Variants in LRRC37A observed in about 807,000 individuals in gnomAD.
LRRC37A encodes leucine-rich repeat-containing protein 37A.
In LRRC37A, 3 loss-of-function variants were observed where a neutral mutation model predicts 35.4. The observed-to-expected ratio is 0.08, with a 90% CI of 0.04 to 0.22. LRRC37A has a LOEUF of 0.22. Among genes scored for constraint, LRRC37A ranks in the 10% least tolerant of loss-of-function variants. LRRC37A has a pLI of 1.00. For synonymous variants in LRRC37A, 23 were observed against 215.0 expected (o/e 0.11, Z 7.81); for missense variants, 67 against 565.3 (o/e 0.12, Z 8.94).
the LRRC37A span, among the ~76,000 whole-genome samples, chr17:46,271,250 C>T: frequency 0.12 from 18,467 of 150,308 alleles, no homozygotes; most frequent in Non-Finnish European, 0.18. Context: ...ACCGCAACCT[C>T]TCCCTCCTGG....
chr17:46,257,542 A>G, the LRRC37A span, among the ~76,000 whole-genome samples: 1,596 of 138,676 alleles, frequency 0.012, no homozygotes, highest in Middle Eastern at 0.023. Context: ...GGCCAGGCAT[A>G]GTGGCTCATG....
intron 7 of LRRC37A, among the ~76,000 whole-genome samples, chr17:46,327,068 C>A (rs1370706021): frequency 1.2e-5 from 1 of 86,264 alleles, no homozygotes; most frequent in Non-Finnish European, 3.4e-5. Context: ...TTTCTTTGAT[C>A]TTCCATGACA....
the LRRC37A span, among the ~76,000 whole-genome samples, chr17:46,250,823 G>GTCTTCT: frequency 4.6e-5 from 7 of 152,182 alleles, no homozygotes; most frequent in African/African-American, 7.2e-5. Flanking sequence ...GAGCCCCAGA[G>GTCTTCT]TCTTCTTCTT....
At chr17:46,259,654 A>C in the LRRC37A span, 1 of 1,608,676 alleles carries the variant, frequency 6.2e-7, no homozygotes, top group Non-Finnish European at 8.5e-7. Flanking sequence ...ATCCTTGGCC[A>C]CCTCATGCCC....
At chr17:46,266,090 C>T in the LRRC37A span, among the ~76,000 whole-genome samples, 1 of 152,224 alleles carries the variant, frequency 6.6e-6, no homozygotes, top group South Asian at 2.1e-4. Flanking sequence ...GAAGCAGTGA[C>T]TTGGTGTCTC....
chr17:46,298,720 T>C (rs1374716212), intron 1 of LRRC37A, among the ~76,000 whole-genome samples: 1 of 91,026 alleles, frequency 1.1e-5, no homozygotes, highest in Non-Finnish European at 2.2e-5. Context: ...CAAGACTCCA[T>C]CTCAAAAAAA....
At chr17:46,290,253 G>A (rs1423133674), upstream of LRRC37A, among the ~76,000 whole-genome samples, 1 of 152,066 alleles carries the variant, frequency 6.6e-6, no homozygotes, top group African/African-American at 2.4e-5. Flanking sequence ...CCTCAGCCTC[G>A]CCAAGTAGCT....
chr17:46,262,596 CT>C, the LRRC37A span, among the ~76,000 whole-genome samples: 1 of 152,154 alleles, frequency 6.6e-6, no homozygotes, highest in African/African-American at 2.4e-5. Context: ...AGTCTATTCC[CT>C]TTTTATAATT....
At chr17:46,255,682 T>G in the LRRC37A span, among the ~76,000 whole-genome samples, 31 of 137,538 alleles carry the variant, frequency 2.3e-4, no homozygotes, top group African/African-American at 8.0e-4. Flanking sequence ...TTGTTTTTTG[T>G]TTTTTTTTTT....
the LRRC37A span, among the ~76,000 whole-genome samples, chr17:46,253,043 C>T: frequency 3.3e-4 from 49 of 148,686 alleles, no homozygotes; most frequent in South Asian, 4.2e-3. Flanking sequence ...GGGCGGTTGC[C>T]GGGCGGAGGG....
chr17:46,267,444 T>G, the LRRC37A span: 302,902 of 1,609,352 alleles, frequency 0.19, 29,593 homozygotes, highest in Non-Finnish European at 0.22. Context: ...ACCCCCGACG[T>G]CTTCTTCTTC....
chr17:46,270,991 CT>C, the LRRC37A span, among the ~76,000 whole-genome samples: 1 of 152,148 alleles, frequency 6.6e-6, no homozygotes, highest in Non-Finnish European at 1.5e-5. Context: ...TAAGAAAAGT[CT>C]TTTAGTATCT....
At chr17:46,252,120 G>A in the LRRC37A span, among the ~76,000 whole-genome samples, 2 of 152,206 alleles carry the variant, frequency 1.3e-5, no homozygotes, top group African/African-American at 4.8e-5. Flanking sequence ...TCAGTTGTCT[G>A]AAATTTTTGC....
At chr17:46,257,112 C>T in the LRRC37A span, among the ~76,000 whole-genome samples, 6 of 152,206 alleles carry the variant, frequency 3.9e-5, no homozygotes, top group South Asian at 2.1e-4. Context: ...ATCTGTAAAA[C>T]AGGGTAATAA....
chr17:46,312,783 C>T (rs1213487223), intron 5 of LRRC37A, among the ~76,000 whole-genome samples: 1 of 49,800 alleles, frequency 2.0e-5, no homozygotes, highest in African/African-American at 8.5e-5. Flanking sequence ...TCATGTAGCA[C>T]TCACATTCTT....
the LRRC37A span, among the ~76,000 whole-genome samples, chr17:46,261,410 T>A: frequency 7.2e-5 from 11 of 152,064 alleles, no homozygotes; most frequent in Non-Finnish European, 1.5e-4. Flanking sequence ...ACAAACTATA[T>A]TTGTAATTTT....
chr17:46,267,893 CTTTTTTTTTTTT>C, the LRRC37A span, among the ~76,000 whole-genome samples: 18 of 89,230 alleles, frequency 2.0e-4, no homozygotes, highest in South Asian at 3.8e-4. Flanking sequence ...ACTCCCACAT[CTTTTTTTTTTTT>C]TTTTTTTTTT....
At chr17:46,257,770 C>T in the LRRC37A span, among the ~76,000 whole-genome samples, 1 of 151,102 alleles carries the variant, frequency 6.6e-6, no homozygotes, top group Non-Finnish European at 1.5e-5. Context: ...TGCAATGAGC[C>T]ATGATCATAC....
upstream of LRRC37A, among the ~76,000 whole-genome samples, chr17:46,291,985 A>AAAAAAAAAAAAAAAAAAAAAAAAC (rs1360524355): frequency 2.6e-5 from 2 of 76,588 alleles, no homozygotes; most frequent in Non-Finnish European, 2.8e-5. Context: ...AAAAAAAAAA[A>AAAAAAAAAAAAAAAAAAAAAAAAC]AAGCCAATAA....
Sources: gnomAD v4.1 joint callset for allele counts (sites outside exome capture counted in the v4.1 genomes callset) on GRCh38, gnomAD v4.1.1 for gene constraint, MANE v1.5 for transcripts, NCBI Gene and HGNC (gene_info 2026-07-23, HGNC 2026-07-21) for gene names.